Variants in PXDNL observed in about 807,000 individuals in gnomAD.
The protein encoded by PXDNL is probable oxidoreductase PXDNL.
In PXDNL, 145 loss-of-function variants were observed where a neutral mutation model predicts 150.8. The observed-to-expected ratio is 0.96, with a 90% CI of 0.84 to 1.10. The LOEUF is 1.10. Among genes scored for constraint, PXDNL ranks in the 50% least tolerant of loss-of-function variants. The pLI is 0.00. For missense variants in PXDNL, 2,087 were observed against 1,873.9 expected (o/e 1.11, Z -2.10); for synonymous variants, 757 against 725.7 (o/e 1.04, Z -0.69).
At chr8:51,597,337 T>C (rs1225828481) in intron 2 of PXDNL, among the ~76,000 whole-genome samples, 3 of 152,342 alleles carry the variant, frequency 2.0e-5, no homozygotes, top group East Asian at 1.9e-4. Context: ...TTGGGTAATG[T>C]GATGCCTCTG....
At chr8:51,357,621 G>A (rs1475605568) in intron 19 of PXDNL, among the ~76,000 whole-genome samples, 2 of 152,172 alleles carry the variant, frequency 1.3e-5, no homozygotes, top group Admixed American at 6.5e-5. Flanking sequence ...AAATCTATGT[G>A]TCAAAATAAC....
intron 21 of PXDNL, among the ~76,000 whole-genome samples, chr8:51,329,871 G>A (rs548966506): frequency 2.6e-5 from 4 of 152,270 alleles, no homozygotes; most frequent in Admixed American, 2.6e-4. Context: ...TATGGAGATT[G>A]AGAAGGGCCA....
At chr8:51,432,386 G>C (rs1189631340) in intron 12 of PXDNL, among the ~76,000 whole-genome samples, 1 of 152,036 alleles carries the variant, frequency 6.6e-6, no homozygotes, top group East Asian at 1.9e-4. Flanking sequence ...GGTTATTTCT[G>C]GATTTTTGTT....
At chr8:51,733,752 G>T (rs1816977078) in intron 1 of PXDNL, among the ~76,000 whole-genome samples, 1 of 150,452 alleles carries the variant, frequency 6.6e-6, no homozygotes. Context: ...AGGTTACGGT[G>T]AGCCAAGGTC....
rs552906316 is a variant in PXDNL at position 51,432,273 on chromosome 8, G to A, written c.1526-5515C>T. 2.0e-3 allele frequency among the ~76,000 whole-genome samples: 300 copies of A among 152,182 alleles called. 1 individual carries two copies. Among genetic ancestry groups the A allele is most frequent in the Non-Finnish European group, 3.3e-3 (223 of 67,998 alleles). On this transcript the variant is annotated intron_variant, in intron 12 of 22. Transcript: ENST00000356297. ...AGCAATGACACTGCTTATACATACG[G>A]GTTTTTTGTCTCTTTGGTAAGTTGT...
chr8:51,733,531 G>C (rs1030190207), intron 1 of PXDNL, among the ~76,000 whole-genome samples: 3 of 152,206 alleles, frequency 2.0e-5, no homozygotes. Flanking sequence ...AAACAGGCCA[G>C]GTATGGTAGC....
intron 1 of PXDNL, among the ~76,000 whole-genome samples, chr8:51,730,230 G>C (rs1214792000): frequency 3.3e-5 from 5 of 151,890 alleles, no homozygotes; most frequent in Admixed American, 2.0e-4. Context: ...GGCCCTCTCT[G>C]TACTGTCCAC....
At chr8:51,324,818 A>T (rs1237269433) in intron 21 of PXDNL, among the ~76,000 whole-genome samples, 1 of 152,080 alleles carries the variant, frequency 6.6e-6, no homozygotes, top group African/African-American at 2.4e-5. Context: ...GAAAATTTTC[A>T]TCCATTTTTC....
intron 19 of PXDNL, among the ~76,000 whole-genome samples, chr8:51,367,656 T>G (rs959132463): frequency 6.6e-5 from 10 of 152,292 alleles, no homozygotes; most frequent in African/African-American, 2.4e-4. Context: ...TCCTATCCAT[T>G]AAATACTAAG....
chr8:51,319,726 A>G lies in PXDNL; in HGVS notation c.*165T>C. 2.1e-6 allele frequency: 1 copy of G among 471,450 alleles called. No individual in the cohort carries two copies. 29.2% of individuals were successfully genotyped at this position (471,450 alleles called of 1,614,324 possible). Reference sequence around the variant, plus strand: ...GAATTATTTCAAGGTATGTTAGAAAATGAAAAAATAAAAGATCGTAAGTAT... The same window carrying G: ...GAATTATTTCAAGGTATGTTAGAAAGTGAAAAAATAAAAGATCGTAAGTAT... On this transcript the variant is annotated 3_prime_UTR_variant, in exon 23 of 23. Coordinates refer to ENST00000356297, the MANE Select transcript of PXDNL (RefSeq NM_144651.5).
At chr8:51,635,896 A>G (rs192463595) in intron 2 of PXDNL, among the ~76,000 whole-genome samples, 8 of 152,156 alleles carry the variant, frequency 5.3e-5, no homozygotes, top group Admixed American at 5.2e-4. Context: ...ACAAGACACC[A>G]CAAGAGAAGA....
At chr8:51,532,380 ACT>A (rs991411102) in intron 4 of PXDNL, among the ~76,000 whole-genome samples, 3 of 152,226 alleles carry the variant, frequency 2.0e-5, no homozygotes, top group African/African-American at 7.2e-5. Flanking sequence ...AGTGGGTGAA[ACT>A]CTCTGAGACT....
At chr8:51,607,581 C>T (rs1047013018) in intron 2 of PXDNL, among the ~76,000 whole-genome samples, 7 of 152,044 alleles carry the variant, frequency 4.6e-5, no homozygotes, top group African/African-American at 1.4e-4. Flanking sequence ...TGGCTCATGC[C>T]TGTAATCCCA....
At chr8:51,424,487 T>C (rs11985290) in intron 13 of PXDNL, among the ~76,000 whole-genome samples, 28,683 of 151,964 alleles carry the variant, frequency 0.19, 3,031 homozygotes, top group East Asian at 0.32. Context: ...ACCTTGTATG[T>C]ACTCATATGT....
chr8:51,345,883 T>C lies in PXDNL; in HGVS notation c.3966A>G (p.Gln1322=), dbSNP rs1338779601. ...TATCCTTATCAACAGGATAGCTGTATTGAGCTGAGCGTTTCTTTTGAGACT... is the reference window on the plus strand; with the variant it reads ...TATCCTTATCAACAGGATAGCTGTACTGAGCTGAGCGTTTCTTTTGAGACT... ...TQESQKKRSA[Q]YSYPVDKDME... is the part of the protein sequence containing the mutation. The change falls in exon 20 of 23, where the codon CAA becomes CAG. Residue 1322 remains glutamine (Q), a synonymous_variant. Transcript: ENST00000356297. 4.3e-6 allele frequency: 7 copies of C among 1,613,712 alleles called. No individual in the cohort carries two copies. Among genetic ancestry groups the C allele is most frequent in the Non-Finnish European group, 5.9e-6 (7 of 1,179,718 alleles).
At chr8:51,721,056 C>G (rs907181620) in intron 1 of PXDNL, among the ~76,000 whole-genome samples, 23 of 152,172 alleles carry the variant, frequency 1.5e-4, no homozygotes, top group African/African-American at 5.3e-4. Flanking sequence ...CTGCAGAGCC[C>G]GTGAACAAGT....
intron 4 of PXDNL, among the ~76,000 whole-genome samples, chr8:51,531,063 C>CT (rs560601460): frequency 1.3e-4 from 20 of 152,160 alleles, no homozygotes; most frequent in Non-Finnish European, 2.8e-4. Context: ...CTGTCTGTGA[C>CT]TTTTAAACTT....
intron 2 of PXDNL, among the ~76,000 whole-genome samples, chr8:51,631,541 T>G (rs1225988312): frequency 6.6e-6 from 1 of 152,172 alleles, no homozygotes; most frequent in Non-Finnish European, 1.5e-5. Flanking sequence ...GGGAATCTTT[T>G]GAGCTGACAT....
chr8:51,670,516 A>G (rs1815476441), intron 1 of PXDNL, among the ~76,000 whole-genome samples: 1 of 152,190 alleles, frequency 6.6e-6, no homozygotes, highest in Non-Finnish European at 1.5e-5. Context: ...CAATTGTAAT[A>G]CAATGGTAAC....
Sources: allele counts gnomAD v4.1 joint callset (sites outside exome capture counted in the v4.1 genomes callset), GRCh38; gene constraint gnomAD v4.1.1; transcripts MANE v1.5; gene names NCBI Gene and HGNC (gene_info 2026-07-23, HGNC 2026-07-21).